SLC17A4: variants seen among roughly 807,000 people sequenced by gnomAD.
SLC17A4 encodes solute carrier family 17 member 4.
In SLC17A4, 33 loss-of-function variants were observed where a neutral mutation model predicts 52.5. That is an observed-to-expected ratio of 0.63 (90% CI 0.48 to 0.84). The LOEUF is 0.84. Among genes scored for constraint, SLC17A4 ranks in the 40% least tolerant of loss-of-function variants. SLC17A4 has a pLI of 0.00. For missense variants in SLC17A4, 585 were observed against 597.1 expected, an observed-to-expected ratio of 0.98 and a Z score of 0.21; for synonymous variants, 225 against 216.2, an observed-to-expected ratio of 1.04 and a Z score of -0.36.
At chr6:25,770,592 C>G in intron 5 of SLC17A4, 121 bp downstream of exon 5, 3 of 889,462 alleles carry the variant, frequency 3.4e-6, no homozygotes, top group Non-Finnish European at 5.6e-6. Flanking sequence ...TTCCTTAAAG[C>G]ACTACCCCAT....
Position 25,770,975 on chromosome 6 carries a change from C to T in SLC17A4, c.669C>T (p.Cys223=). The T allele has an allele frequency of 1.2e-6, 2 of 1,613,866 alleles. No homozygotes were observed. The highest frequency in any genetic ancestry group is 8.5e-7 in the Non-Finnish European group (1 of 1,179,812). The change falls in exon 6 of 12, where the codon TGC becomes TGT. Residue 223 remains cysteine (C), a synonymous_variant. Transcript: ENST00000377905. The part of the protein sequence containing the change: ...FIVLLAGGLL[C]QTIGWPYVFY... ...TTCTACTTGCTGGTGGTCTCCTCTG[C>T]CAGACCATAGGATGGCCTTACGTCT...
rs1561797394 is a variant in SLC17A4 at position 25,762,051 on chromosome 6, A to C, written c.89A>C (p.Lys30Thr). ...GTGGCTCAAGAGGAATGCTCCAGGA[A>C]AGGTAAAATCATGCACAGTAATCTG... ...LNVAQEECSRKGFCSVRHGLA... is the reference protein window; with the variant it reads ...LNVAQEECSRTGFCSVRHGLA... The change falls in exon 2 of 12, where the codon AAA becomes ACA. Residue 30 changes from lysine (K) to threonine (T), a missense_variant and splice_region_variant. Physicochemically the swap from Lys to Thr is moderately conservative, Grantham distance 78. Transcript: ENST00000377905. 2 of 1,612,950 alleles carry C rather than the reference A, an allele frequency of 1.2e-6. No individual in the cohort carries two copies. Among genetic ancestry groups the C allele is most frequent in the South Asian group, 1.1e-5 (1 of 90,912 alleles).
At position 25,779,068 on chromosome 6, in the gene SLC17A4, T is replaced by C. The variant is rs780708706; in HGVS notation, c.1374T>C (p.Gly458=). The part of the protein sequence containing the change: ...GFFISQDSEF[G]WRNVFLLSAA... ...TCTGCCTCCAGGATTCAGAGTTTGG[T>C]TGGAGAAATGTCTTCTTGCTTTCAG... Residue 458 remains glycine (G), a synonymous_variant, in exon 12 of 12, where the codon GGT becomes GGC. Coordinates refer to ENST00000377905, the MANE Select transcript of SLC17A4 (RefSeq NM_005495.3). 2.5e-6 allele frequency: 4 copies of C among 1,613,636 alleles called. No homozygotes were observed. The highest frequency in any genetic ancestry group is 2.5e-6 in the Non-Finnish European group (3 of 1,179,720).
chr6:25,776,490 C>T (rs897541955), intron 8 of SLC17A4, 105 bp from the exon 9 acceptor site: 9 of 1,320,520 alleles, frequency 6.8e-6, no homozygotes, highest in East Asian at 2.3e-5. Context: ...AAAAGTGATG[C>T]GTATATAAAG....
chr6:25,764,762 G>T (rs1268476687), intron 2 of SLC17A4, among the ~76,000 whole-genome samples: 1 of 152,160 alleles, frequency 6.6e-6, no homozygotes, highest in Admixed American at 6.5e-5. Context: ...AGCGTGCATG[G>T]GTCCACATCC....
intron 11 of SLC17A4, 96 bp from the exon 12 acceptor site, chr6:25,778,958 G>T (rs1449660861): frequency 1.3e-6 from 2 of 1,505,054 alleles, no homozygotes; most frequent in African/African-American, 2.8e-5. Flanking sequence ...AGTGGAGGTC[G>T]GGGAGGGAGC....
At chr6:25,762,825 A>G (rs1262214019) in intron 2 of SLC17A4, among the ~76,000 whole-genome samples, 1 of 152,242 alleles carries the variant, frequency 6.6e-6, no homozygotes, top group African/African-American at 2.4e-5. Flanking sequence ...ATACTATTCC[A>G]GTAGTCTCGG....
chr6:25,779,001 A>G, intron 11 of SLC17A4, 53 bp from the exon 12 acceptor site: 1 of 1,602,450 alleles, frequency 6.2e-7, no homozygotes, highest in Non-Finnish European at 8.5e-7. Flanking sequence ...TTTCTGAACC[A>G]AGAGGGACAG....
intron 8 of SLC17A4, among the ~76,000 whole-genome samples, chr6:25,775,302 A>C (rs1438377933): frequency 6.7e-6 from 1 of 149,728 alleles, no homozygotes; most frequent in East Asian, 2.0e-4. Flanking sequence ...ATTGCACTCC[A>C]GCCTGGGCAA....
chr6:25,762,440 G>C (rs1761625140), intron 2 of SLC17A4, among the ~76,000 whole-genome samples: 1 of 152,052 alleles, frequency 6.6e-6, no homozygotes, highest in Non-Finnish European at 1.5e-5. Flanking sequence ...TGGGCTTTTT[G>C]CTTCTACCAT....
intron 1 of SLC17A4, among the ~76,000 whole-genome samples, chr6:25,759,745 C>T (rs1403927691): frequency 1.1e-4 from 17 of 152,146 alleles, no homozygotes; most frequent in Admixed American, 1.1e-3. Context: ...CACCTCTTTA[C>T]CTTAAGTTTA....
rs952389411 is a variant in SLC17A4 at position 25,779,966 on chromosome 6, G to C, written c.*778G>C. On this transcript the variant is annotated 3_prime_UTR_variant, in exon 12 of 12. Coordinates refer to ENST00000377905, the MANE Select transcript of SLC17A4 (RefSeq NM_005495.3). The stretch of plus-strand genomic sequence containing the variant: ...ACAGTGACCCATGATATCTGCCTTC[G>C]TTTGCCCCTCTGACTGTTGGAATCC... The C allele has an allele frequency of 6.6e-6, 1 of 152,092 alleles. No homozygotes were observed. The highest frequency in any genetic ancestry group is 2.4e-5 in the African/African-American group (1 of 41,384). 9.4% of individuals were successfully genotyped at this position (152,092 alleles called of 1,614,324 possible).
rs376970703 is a variant in SLC17A4, at chr6:25,770,372, T to G, written c.532-12T>G. On this transcript the variant is annotated splice_polypyrimidine_tract_variant and intron_variant, in intron 4 of 11. Coordinates refer to ENST00000377905, the MANE Select transcript of SLC17A4 (RefSeq NM_005495.3). ...GACCTCAGATCTCCAAGAATGGAAT[T>G]TTTCCCCCCAGGTTATGGTATTAAC... 6.8e-6 allele frequency: 11 copies of G among 1,613,910 alleles called. No homozygotes were observed. Among genetic ancestry groups the G allele is most frequent in the Admixed American group, 3.3e-5 (2 of 59,992 alleles).
At position 25,779,131 on chromosome 6, in the gene SLC17A4, C is replaced by T. The variant is rs1561816823; in HGVS notation, c.1437C>T (p.Ile479=). 1.2e-6 allele frequency: 2 copies of T among 1,613,928 alleles called. No individual in the cohort carries two copies. The highest frequency in any genetic ancestry group is 1.7e-5 in the Admixed American group (1 of 59,998). The change falls in exon 12 of 12, where the codon ATC becomes ATT. Residue 479 remains isoleucine (I), a synonymous_variant. Transcript: ENST00000377905. ...TATCGGGCCTGGTTTTCTACCTCAT[C>T]TTTGGCCGAGCAGATGTGCAGGACT... is the stretch of plus-strand genomic sequence containing the variant. ...VNISGLVFYL[I]FGRADVQDWA... is the part of the protein sequence containing the mutation.
intron 11 of SLC17A4, among the ~76,000 whole-genome samples, chr6:25,778,427 G>T (rs980263007): frequency 6.6e-6 from 1 of 152,018 alleles, no homozygotes; most frequent in African/African-American, 2.4e-5. Flanking sequence ...TTTTCTTGAA[G>T]CTTCAGTTCC....
At chr6:25,768,141 T>C (rs1255351020) in intron 2 of SLC17A4, among the ~76,000 whole-genome samples, 1 of 152,212 alleles carries the variant, frequency 6.6e-6, no homozygotes, top group Non-Finnish European at 1.5e-5. Flanking sequence ...GGGTGGTGCA[T>C]TGGCTGGGTT....
At position 25,773,679 on chromosome 6, in the gene SLC17A4, G is replaced by A. The variant is rs372151599; in HGVS notation, c.987+5G>A. 19 of 1,611,730 alleles carry A rather than the reference G, an allele frequency of 1.2e-5. No homozygotes were observed. Among genetic ancestry groups the A allele is most frequent in the Admixed American group, 3.4e-5 (2 of 59,624 alleles). ...CTTCAAGCCAACCTCAGAGATGTAA[G>A]TACAGAGAAAGCTCATTCTGATCTT... On this transcript the variant is annotated splice_donor_5th_base_variant and intron_variant, in intron 8 of 11. Coordinates refer to ENST00000377905, the MANE Select transcript of SLC17A4 (RefSeq NM_005495.3).
chr6:25,775,117 G>A (rs1005284412), intron 8 of SLC17A4, among the ~76,000 whole-genome samples: 13 of 152,020 alleles, frequency 8.6e-5, no homozygotes, highest in South Asian at 8.3e-4. Context: ...ATCATCTGAG[G>A]TCAGGTGTTT....
intron 3 of SLC17A4, among the ~76,000 whole-genome samples, chr6:25,769,722 T>C (rs1452378656): frequency 6.6e-6 from 1 of 152,122 alleles, no homozygotes; most frequent in African/African-American, 2.4e-5. Context: ...TCCCCTACAA[T>C]GATGAAAATC....
Sources: gnomAD v4.1 joint callset for allele counts (sites outside exome capture counted in the v4.1 genomes callset) on GRCh38, gnomAD v4.1.1 for gene constraint, MANE v1.5 for transcripts, NCBI Gene and HGNC (gene_info 2026-07-23, HGNC 2026-07-21) for gene names.